EPB41L3: variants seen among roughly 807,000 people sequenced by gnomAD.
EPB41L3 encodes erythrocyte membrane protein band 4.1 like 3.
In EPB41L3, 57 loss-of-function variants were observed where a neutral mutation model predicts 127.1. The observed-to-expected ratio is 0.45, with a 90% confidence interval of 0.36 to 0.56. EPB41L3 has a LOEUF of 0.56. EPB41L3 is among the 20% of genes least tolerant of loss of function. EPB41L3 has a pLI of 0.00. For missense variants in EPB41L3, 1,273 were observed against 1,372.2 expected (o/e 0.93, Z 1.14); for synonymous variants, 572 against 549.5 (o/e 1.04, Z -0.57).
intron 3 of EPB41L3, among the ~76,000 whole-genome samples, chr18:5,572,651 G>A (rs980769138): frequency 5.3e-5 from 8 of 152,184 alleles, no homozygotes; most frequent in East Asian, 1.9e-4. Context: ...GTGGCTCACC[G>A]CAGCCTTGAA....
chr18:5,430,809 C>A (rs967929020), intron 8 of EPB41L3, among the ~76,000 whole-genome samples: 3 of 151,962 alleles, frequency 2.0e-5, no homozygotes, highest in Admixed American at 2.0e-4. Flanking sequence ...AGCAATCCCC[C>A]TGTCTCAGAG....
chr18:5,484,772 C>G (rs2089434099), intron 2 of EPB41L3, among the ~76,000 whole-genome samples: 1 of 151,726 alleles, frequency 6.6e-6, no homozygotes, highest in South Asian at 2.1e-4. Flanking sequence ...ATACAACTCA[C>G]CAAGAATGAA....
intron 1 of EPB41L3, chr18:5,528,948 T>G (rs966458458): frequency 2.6e-5 from 4 of 152,168 alleles, no homozygotes; most frequent in Non-Finnish European, 5.9e-5. Flanking sequence ...GCTTACTGCT[T>G]ACCTTTGAGT....
At chr18:5,603,498 G>A (rs28481760) in intron 3 of EPB41L3, among the ~76,000 whole-genome samples, 4,265 of 152,270 alleles carry the variant, frequency 0.028, 172 homozygotes, top group African/African-American at 0.092. Flanking sequence ...GAATAAAGAG[G>A]AAGAGTGATA....
intron 1 of EPB41L3, among the ~76,000 whole-genome samples, chr18:5,515,395 A>G (rs2092709135): frequency 6.6e-6 from 1 of 152,326 alleles, no homozygotes; most frequent in Admixed American, 6.5e-5. Context: ...TTCCACAAGT[A>G]AGGTTTGCTT....
At chr18:5,418,892 T>C (rs1386970058) in intron 12 of EPB41L3, among the ~76,000 whole-genome samples, 1 of 152,142 alleles carries the variant, frequency 6.6e-6, no homozygotes, top group Admixed American at 6.5e-5. Context: ...GGATAACCCA[T>C]GGGTTATTAT....
At chr18:5,511,690 TACAG>T (rs1029196036) in intron 1 of EPB41L3, among the ~76,000 whole-genome samples, 47 of 151,940 alleles carry the variant, frequency 3.1e-4, no homozygotes, top group African/African-American at 1.1e-3. Context: ...TCCAGACGCA[TACAG>T]ACAGAGAGGT....
intron 1 of EPB41L3, among the ~76,000 whole-genome samples, chr18:5,509,096 G>T (rs1194147553): frequency 1.3e-5 from 2 of 152,202 alleles, no homozygotes; most frequent in Admixed American, 6.5e-5. Flanking sequence ...ATAATGCTGA[G>T]AAATTGTTCA....
At chr18:5,611,445 G>A (rs188116844) in intron 3 of EPB41L3, among the ~76,000 whole-genome samples, 2 of 152,318 alleles carry the variant, frequency 1.3e-5, no homozygotes, top group East Asian at 1.9e-4. Context: ...AAGTGGAATG[G>A]TGGTTGCCAG....
intron 6 of EPB41L3, among the ~76,000 whole-genome samples, chr18:5,436,460 G>C (rs1399872348): frequency 4.3e-5 from 6 of 140,998 alleles, no homozygotes; most frequent in African/African-American, 1.6e-4. Flanking sequence ...CCAGGCTGGA[G>C]TGCAGTGGCG....
intron 1 of EPB41L3, among the ~76,000 whole-genome samples, chr18:5,498,048 C>T (rs1389467608): frequency 6.6e-6 from 1 of 152,208 alleles, no homozygotes. Context: ...TTAGTCTACA[C>T]GTGAATCCTG....
Position 5,536,872 on chromosome 18 carries a change from C to T in EPB41L3, c.-12+7041G>A, listed in dbSNP as rs189729972. On this transcript the variant is annotated intron_variant, in intron 1 of 22. Coordinates refer to ENST00000341928, the MANE Select transcript of EPB41L3 (RefSeq NM_012307.5). Reference sequence around the variant, plus strand: ...GAAACAAACAAACAAAAAATGGTTACATAGAAGTATTTAAGACAGAAGTCT... The same window carrying T: ...GAAACAAACAAACAAAAAATGGTTATATAGAAGTATTTAAGACAGAAGTCT... Among the ~76,000 whole-genome samples, 27 of 152,118 alleles carry T rather than the reference C, an allele frequency of 1.8e-4. 2 individuals carry two copies. The East Asian group carries it at 5.0e-3, about 28-fold the overall frequency.
At chr18:5,485,701 A>G (rs113479646) in intron 2 of EPB41L3, among the ~76,000 whole-genome samples, 1,620 of 152,204 alleles carry the variant, frequency 0.011, 28 homozygotes, top group African/African-American at 0.037. Context: ...TCAATGGTAA[A>G]CTATCTGAAA....
intron 3 of EPB41L3, among the ~76,000 whole-genome samples, chr18:5,560,093 T>C (rs1306272554): frequency 6.6e-6 from 1 of 152,228 alleles, no homozygotes; most frequent in Non-Finnish European, 1.5e-5. Flanking sequence ...TATGATTTTG[T>C]TTTCCTACAA....
chr18:5,548,153 A>G (rs2093911547), upstream of EPB41L3, among the ~76,000 whole-genome samples: 1 of 152,228 alleles, frequency 6.6e-6, no homozygotes, highest in East Asian at 1.9e-4. Context: ...TCTTGAAATC[A>G]GGATATAAAG....
rs139313567 is a variant in EPB41L3, at chr18:5,562,749, C to T, written c.-306+49591G>A. Among the ~76,000 whole-genome samples the T allele has an allele frequency of 4.0e-3, 605 of 152,294 alleles. 3 individuals are homozygous for T. Among genetic ancestry groups the T allele is most frequent in the African/African-American group, 0.014 (571 of 41,560 alleles). On this transcript the variant is annotated intron_variant, in intron 3 of 21. Coordinates refer to the EPB41L3 transcript ENST00000545076. The stretch of plus-strand genomic sequence containing the variant: ...GCCACTAGCTCAGACCCTCTCTCTC[C>T]ACGAAGCCCCTGAGGATGTCTCATC...
intron 1 of EPB41L3, among the ~76,000 whole-genome samples, chr18:5,522,524 T>G (rs968014628): frequency 2.6e-5 from 4 of 152,228 alleles, no homozygotes; most frequent in African/African-American, 9.6e-5. Context: ...ATTTGTCATA[T>G]AAGGCATCCC....
intron 3 of EPB41L3, chr18:5,570,279 C>G (rs1599035133): frequency 6.6e-6 from 1 of 152,110 alleles, no homozygotes; most frequent in African/African-American, 2.4e-5. Context: ...CTGACTTTCC[C>G]TCTGAGTAAG....
intron 5 of EPB41L3, among the ~76,000 whole-genome samples, chr18:5,439,029 C>G (rs2080275578): frequency 6.6e-6 from 1 of 152,086 alleles, no homozygotes; most frequent in Admixed American, 6.5e-5. Flanking sequence ...TGTATTCACT[C>G]TGTTCTTCCG....
Sources: allele counts gnomAD v4.1 joint callset (sites outside exome capture counted in the v4.1 genomes callset), GRCh38; gene constraint gnomAD v4.1.1; transcripts MANE v1.5; gene names NCBI Gene and HGNC (gene_info 2026-07-23, HGNC 2026-07-21).